Variants in WDR7 observed in about 807,000 individuals in gnomAD.
The protein encoded by WDR7 is WD repeat-containing protein 7.
WDR7 carries 46 observed loss-of-function variants against 169.4 expected under a neutral mutation model. The observed-to-expected ratio is 0.27, with a 90% CI of 0.21 to 0.35. The LOEUF (loss-of-function observed/expected upper bound fraction) is 0.35, where lower values mean the gene tolerates loss of function less well. Ranked by LOEUF, WDR7 falls within the 10% of genes least tolerant of loss-of-function variation. The pLI, the probability that WDR7 is intolerant of heterozygous loss-of-function variation, is 1.00. For missense variants in WDR7, 1,534 were observed against 1,859.3 expected (o/e 0.83, Z 3.22); for synonymous variants, 612 against 666.8 (o/e 0.92, Z 1.27).
chr18:56,709,452 ATAT>A (rs1338174962), intron 12 of WDR7, among the ~76,000 whole-genome samples: 12 of 152,228 alleles, frequency 7.9e-5, no homozygotes, highest in African/African-American at 1.9e-4. Flanking sequence ...GATGGAGATA[ATAT>A]TATCATCTTT....
intron 21 of WDR7, among the ~76,000 whole-genome samples, chr18:56,920,188 G>T (rs971282196): frequency 6.6e-6 from 1 of 151,764 alleles, no homozygotes; most frequent in Non-Finnish European, 1.5e-5. Context: ...TCTTTCCTCT[G>T]CCTGGAATGT....
chr18:56,834,870 T>A (rs1382116386), intron 20 of WDR7, among the ~76,000 whole-genome samples: 1 of 152,192 alleles, frequency 6.6e-6, no homozygotes, highest in Non-Finnish European at 1.5e-5. Context: ...TTTGAGCCCA[T>A]CATCCAGACT....
At chr18:56,749,498 T>C (rs2043755973) in intron 14 of WDR7, among the ~76,000 whole-genome samples, 1 of 152,018 alleles carries the variant, frequency 6.6e-6, no homozygotes, top group South Asian at 2.1e-4. Flanking sequence ...TTTTAAATTA[T>C]TAACTCTTCT....
chr18:56,664,844 T>A (rs28419367), intron 1 of WDR7, among the ~76,000 whole-genome samples: 2,160 of 152,180 alleles, frequency 0.014, 43 homozygotes, highest in African/African-American at 0.047. Flanking sequence ...GTGAAAATAG[T>A]AGTAGGAGTA....
At chr18:56,737,271 G>A (rs533600128) in intron 14 of WDR7, among the ~76,000 whole-genome samples, 93 of 152,262 alleles carry the variant, frequency 6.1e-4, no homozygotes, top group Non-Finnish European at 9.3e-4. Context: ...GAGCATATCC[G>A]GTGATGTTTC....
chr18:57,001,248 G>A (rs1568307864), intron 26 of WDR7, among the ~76,000 whole-genome samples: 1 of 152,088 alleles, frequency 6.6e-6, no homozygotes, highest in African/African-American at 2.4e-5. Context: ...CTACTAGAGA[G>A]TGATGAACAA....
chr18:56,794,116 C>T (rs972510420), intron 19 of WDR7, among the ~76,000 whole-genome samples: 18 of 151,886 alleles, frequency 1.2e-4, no homozygotes, highest in South Asian at 2.1e-4. Context: ...ATATATCAAA[C>T]GTAGAGAAAG....
At chr18:57,021,565 C>T (rs1437864867) in intron 27 of WDR7, among the ~76,000 whole-genome samples, 2 of 152,210 alleles carry the variant, frequency 1.3e-5, no homozygotes, top group African/African-American at 4.8e-5. Context: ...GTAAGCAGTT[C>T]ATGAGAATGC....
chr18:56,697,995 A>G (rs764855409), intron 12 of WDR7, among the ~76,000 whole-genome samples: 1 of 151,146 alleles, frequency 6.6e-6, no homozygotes, highest in Non-Finnish European at 1.5e-5. Flanking sequence ...GGAGTTCGAG[A>G]ACAGCCTGAT....
chr18:56,825,744 T>C (rs1328935786), intron 20 of WDR7, among the ~76,000 whole-genome samples: 1 of 152,174 alleles, frequency 6.6e-6, no homozygotes, highest in East Asian at 1.9e-4. Flanking sequence ...TAATATAGCT[T>C]AACTTTTTTG....
intron 21 of WDR7, among the ~76,000 whole-genome samples, chr18:56,886,885 A>G (rs565403273): frequency 6.6e-6 from 1 of 152,360 alleles, no homozygotes; most frequent in Non-Finnish European, 1.5e-5. Context: ...AAAGAGGGAC[A>G]TTATCTAATG....
intron 25 of WDR7, among the ~76,000 whole-genome samples, chr18:56,959,681 G>T (rs937385014): frequency 2.6e-5 from 4 of 152,082 alleles, no homozygotes; most frequent in Admixed American, 6.6e-5. Flanking sequence ...TTTTCATCCC[G>T]TAGGAAAAAT....
chr18:56,993,950 A>G (rs2047856164), intron 26 of WDR7, among the ~76,000 whole-genome samples: 1 of 151,988 alleles, frequency 6.6e-6, no homozygotes, highest in Non-Finnish European at 1.5e-5. Flanking sequence ...GTTGATTTGA[A>G]TGGAACAAGT....
In WDR7 at chr18:56,696,323, A is replaced by G; in HGVS notation, c.1439A>G (p.Tyr480Cys). 4 of 1,614,180 alleles carry G rather than the reference A, an allele frequency of 2.5e-6. No homozygotes were observed. The highest frequency in any genetic ancestry group is 2.5e-6 in the Non-Finnish European group (3 of 1,180,014). The change falls in exon 12 of 28, where the codon TAT (tyrosine) becomes TGT (cysteine). Residue 480 changes from tyrosine to cysteine, a missense_variant. Physicochemically the swap from Tyr to Cys is radical, Grantham distance 194. Transcript: ENST00000254442. ...LLYPHQVSARYDQRYLISGGV... is the reference protein window; with the variant it reads ...LLYPHQVSARCDQRYLISGGV... ...TATCCTCATCAGGTCTCAGCTCGGT[A>G]TGATCAAAGATACCTGATATCTGGA...
chr18:56,900,360 C>T (rs1035720131), intron 21 of WDR7, among the ~76,000 whole-genome samples: 37 of 151,964 alleles, frequency 2.4e-4, no homozygotes, highest in African/African-American at 8.4e-4. Context: ...AAGTTGGTTC[C>T]CATTCATTCT....
At chr18:56,657,827 T>C (rs1423859965) in intron 1 of WDR7, among the ~76,000 whole-genome samples, 1 of 152,262 alleles carries the variant, frequency 6.6e-6, no homozygotes, top group East Asian at 1.9e-4. Context: ...TTTTACTTCC[T>C]TTCTATTAAG....
rs150092559 is a variant in WDR7 at position 56,782,547 on chromosome 18, T to A, written c.3190+891T>A. Among the ~76,000 whole-genome samples the A allele has an allele frequency of 4.4e-3, 664 of 152,192 alleles. 3 individuals are homozygous for A. The highest frequency in any genetic ancestry group is 0.013 in the African/African-American group (557 of 41,526). On this transcript the variant is annotated intron_variant, in intron 19 of 27. Transcript: ENST00000254442. ...TATTCATTGTAAGATAAATTTTCAG[T>A]TTTGCAAGATAAAGTGTGAGTGAAA...
chr18:56,885,610 G>T (rs2046177839), intron 21 of WDR7, among the ~76,000 whole-genome samples: 1 of 151,532 alleles, frequency 6.6e-6, no homozygotes, highest in Non-Finnish European at 1.5e-5. Context: ...GGATCACGAG[G>T]TCAGATCAAG....
Position 56,915,438 on chromosome 18 carries a change from A to G in WDR7, c.3527-8484A>G, listed in dbSNP as rs78082662. On this transcript the variant is annotated intron_variant, in intron 21 of 27. Transcript: ENST00000254442. ...CATAAATTCATTTGGTTTAAAGTGCATATAATATATTCTCCCATAGGAATT... is the reference window on the plus strand; with the variant it reads ...CATAAATTCATTTGGTTTAAAGTGCGTATAATATATTCTCCCATAGGAATT... Among the ~76,000 whole-genome samples, 1,455 of 152,330 alleles carry G rather than the reference A, an allele frequency of 9.6e-3. 18 individuals carry two copies. Among genetic ancestry groups the G allele is most frequent in the African/African-American group, 0.033 (1,378 of 41,580 alleles).
Sources: gnomAD v4.1 joint callset for allele counts (sites outside exome capture counted in the v4.1 genomes callset) on GRCh38, gnomAD v4.1.1 for gene constraint, MANE v1.5 for transcripts, NCBI Gene and HGNC (gene_info 2026-07-23, HGNC 2026-07-21) for gene names.